Variants in JPH1 observed in about 807,000 individuals in gnomAD.
JPH1 encodes junctophilin-1.
JPH1 carries 12 observed loss-of-function variants against 53.6 expected under a neutral mutation model. The ratio of observed to expected loss-of-function variants is 0.22; its 90% CI spans 0.14 to 0.36. The LOEUF is 0.36. Among genes scored for constraint, JPH1 ranks in the 10% least tolerant of loss-of-function variants. The pLI is 1.00. For missense variants in JPH1, 808 were observed against 905.5 expected (o/e 0.89, Z 1.38); for synonymous variants, 375 against 363.8 (o/e 1.03, Z -0.35).
Position 74,315,363 on chromosome 8 carries a change from G to A in JPH1, c.637C>T (p.Arg213Trp), listed in dbSNP as rs1453751379. The change falls in exon 2 of 6, where the codon CGG becomes TGG. Residue 213 changes from arginine to tryptophan, a missense_variant. Around this residue, in one of 2 missense-constraint regions of JPH1, gnomAD observed 756 missense variants for 811.9 expected, o/e 0.93. Transcript: ENST00000342232. This position sits in a 1 kb window ranked among gnomAD's most constrained non-coding sequence, Gnocchi z 6.3. ...ATGCTTCCAAGAAGGGAGCCCCTCC[G>A]GAAGAGGCCGCCCTTCTTCTTGCCC... ...LAGKKKGGLF[R>W]RGSLLGSMKL... 2.5e-6 allele frequency: 4 copies of A among 1,612,744 alleles called. No homozygotes were observed. Among genetic ancestry groups the A allele is most frequent in the Middle Eastern group, 1.6e-4 (1 of 6,078 alleles).
intron 2 of JPH1, among the ~76,000 whole-genome samples, chr8:74,272,600 CTT>C (rs765158506): frequency 7.0e-4 from 79 of 112,640 alleles, no homozygotes; most frequent in Non-Finnish European, 9.5e-4. Context: ...ACCCTTAGTT[CTT>C]TTTTTTTTTT....
intron 2 of JPH1, among the ~76,000 whole-genome samples, chr8:74,295,184 C>T (rs1015172048): frequency 2.0e-5 from 3 of 152,148 alleles, no homozygotes; most frequent in Admixed American, 1.3e-4. Flanking sequence ...TTCCTTCAGG[C>T]CCTGCTCAAG....
chr8:74,239,882 T>C (rs1047205247), intron 4 of JPH1, among the ~76,000 whole-genome samples: 1 of 152,248 alleles, frequency 6.6e-6, no homozygotes, highest in African/African-American at 2.4e-5. Flanking sequence ...GATACCAGCA[T>C]AGAATGTGTA....
chr8:74,318,536 A>G (rs1436049432), intron 1 of JPH1, among the ~76,000 whole-genome samples: 3 of 152,190 alleles, frequency 2.0e-5, no homozygotes, highest in African/African-American at 7.2e-5. Context: ...CATGAGTATG[A>G]TACTAACTTA....
chr8:74,244,580 C>G lies in JPH1; in HGVS notation c.1854G>C (p.Lys618Asn). 1 of 1,613,764 alleles carries G rather than the reference C, an allele frequency of 6.2e-7. No individual in the cohort carries two copies. Among genetic ancestry groups the G allele is most frequent in the Non-Finnish European group, 8.5e-7 (1 of 1,179,862 alleles). ...KAKKSELAIPKNPASNDSCPA... is the reference protein window; with the variant it reads ...KAKKSELAIPNNPASNDSCPA... ...GGCATGAATCGTTGCTTGCTGGATT[C>G]TTTGGTATAGCAAGTTCAGACTTCT... Residue 618 changes from lysine (K) to asparagine (N), a missense_variant, in exon 4 of 6, where the codon AAG (lysine) becomes AAC (asparagine). By Grantham distance (94) the Lys-to-Asn change is moderately conservative. Around this residue, in one of 2 missense-constraint regions of JPH1, gnomAD observed 756 missense variants for 811.9 expected, o/e 0.93. Coordinates refer to ENST00000342232, the MANE Select transcript of JPH1 (RefSeq NM_020647.4).
intron 2 of JPH1, among the ~76,000 whole-genome samples, chr8:74,260,377 A>G (rs896127795): frequency 6.6e-6 from 1 of 152,288 alleles, no homozygotes; most frequent in African/African-American, 2.4e-5. Context: ...AATGATGTCT[A>G]CTGGCCCCAG....
At chr8:74,310,582 G>C (rs1586775089) in intron 2 of JPH1, among the ~76,000 whole-genome samples, 1 of 152,184 alleles carries the variant, frequency 6.6e-6, no homozygotes, top group African/African-American at 2.4e-5. Flanking sequence ...AATTATACAG[G>C]GGCCCATAAT....
chr8:74,321,130 G>A lies in JPH1; in HGVS notation c.158C>T (p.Thr53Ile), dbSNP rs372661315. 2.5e-6 allele frequency: 4 copies of A among 1,613,514 alleles called. No individual in the cohort carries two copies. The highest frequency in any genetic ancestry group is 3.4e-6 in the Non-Finnish European group (4 of 1,179,804). ...CTGGTAGGTGTTGCCGCTGGGCCAG[G>A]TGTAGCCTCCGACCACCTCGAAGCC... ...SHGFEVVGGY[T>I]WPSGNTYQGY... The change falls in exon 1 of 6, where the codon ACC (threonine) becomes ATC (isoleucine). Residue 53 changes from threonine to isoleucine, a missense_variant. Coordinates refer to ENST00000342232, the MANE Select transcript of JPH1 (RefSeq NM_020647.4). The surrounding 1 kb of genome is among the most constrained non-coding windows in gnomAD (Gnocchi z 4.3).
chr8:74,244,942 T>C lies in JPH1; in HGVS notation c.1492A>G (p.Lys498Glu). 2 of 1,614,134 alleles carry C rather than the reference T, an allele frequency of 1.2e-6. No homozygotes were observed. The highest frequency in any genetic ancestry group is 1.7e-6 in the Non-Finnish European group (2 of 1,180,026). Residue 498 changes from lysine to glutamate, a missense_variant, in exon 4 of 6, where the codon AAA (lysine) becomes GAA (glutamate). Around this residue, in one of 2 missense-constraint regions of JPH1, gnomAD observed 756 missense variants for 811.9 expected, o/e 0.93. Transcript: ENST00000342232. ...PSSGARLNQD[K>E]RSVADEQVTA... ...ACCTGCTCATCAGCCACACTCCTTT[T>C]GTCTTGGTTGAGTCTCGCCCCTGAG...
intron 3 of JPH1, among the ~76,000 whole-genome samples, 200 bp from the exon 4 acceptor site, chr8:74,245,375 G>C (rs1271926444): frequency 6.6e-6 from 1 of 152,126 alleles, no homozygotes; most frequent in Non-Finnish European, 1.5e-5. Flanking sequence ...AACAGTTCTG[G>C]CTTCCCTGAT....
intron 3 of JPH1, among the ~76,000 whole-genome samples, chr8:74,255,194 G>C (rs1178307996): frequency 1.3e-5 from 2 of 152,078 alleles, no homozygotes; most frequent in African/African-American, 4.8e-5. Context: ...TACCAAAACA[G>C]AGATATAGAC....
In JPH1 at chr8:74,244,511, G is replaced by A. The variant is rs77959234; in HGVS notation, c.1905+18C>T. On this transcript the variant is annotated intron_variant, in intron 4 of 5. Transcript: ENST00000342232. ...CAAAGGGAAGAAAGAAAGAGAAAAC[G>A]CTACTTGCAGTACTTACTGAATTGG... The A allele has an allele frequency of 4.0e-3, 6,265 of 1,566,186 alleles. 165 individuals carry two copies. The African/African-American group carries it at 0.063, about 16-fold the overall frequency.
rs1035740004 is a variant in JPH1, at chr8:74,320,308, C to T, written c.379+601G>A. ...ACCTGCATCAGGTGGCCTTTCTGCT[C>T]CCATAACTAGGACGTTTCCAAATGC... On this transcript the variant is annotated intron_variant, in intron 1 of 5. Coordinates refer to ENST00000342232, the MANE Select transcript of JPH1 (RefSeq NM_020647.4). This position sits in a 1 kb window ranked among gnomAD's most constrained non-coding sequence, Gnocchi z 4.4. Among the ~76,000 whole-genome samples the T allele has an allele frequency of 1.1e-4, 17 of 152,158 alleles. No homozygotes were observed. The highest frequency in any genetic ancestry group is 2.1e-4 in the Non-Finnish European group (14 of 68,036).
At chr8:74,249,677 T>G (rs986286922) in intron 3 of JPH1, among the ~76,000 whole-genome samples, 10 of 152,360 alleles carry the variant, frequency 6.6e-5, no homozygotes, top group Admixed American at 2.6e-4. Context: ...TTCATAATTT[T>G]GGGTTTGGAA....
At chr8:74,295,462 T>C (rs893543043) in intron 2 of JPH1, among the ~76,000 whole-genome samples, 2 of 152,184 alleles carry the variant, frequency 1.3e-5, no homozygotes, top group Admixed American at 6.5e-5. Context: ...TATTTAACAA[T>C]TGTTGGCTGT....
intron 2 of JPH1, among the ~76,000 whole-genome samples, chr8:74,310,517 G>T (rs1386604117): frequency 6.6e-6 from 1 of 152,076 alleles, no homozygotes; most frequent in South Asian, 2.1e-4. Context: ...CTATATCTAC[G>T]ATGTGATATC....
In JPH1 at chr8:74,240,093, T is replaced by C. The variant is rs557471776; in HGVS notation, c.1906-2790A>G. ...TTCAAGTGATTCTCCTGCCTCAGCC[T>C]CCCGAGTAGCTGGGACTACAGGTGT... On this transcript the variant is annotated intron_variant, in intron 4 of 5. Coordinates refer to ENST00000342232, the MANE Select transcript of JPH1 (RefSeq NM_020647.4). 1.2e-4 allele frequency among the ~76,000 whole-genome samples: 18 copies of C among 152,228 alleles called. No homozygotes were observed. The South Asian group carries it at 3.7e-3, about 32-fold the overall frequency.
intron 2 of JPH1, 136 bp from the exon 3 acceptor site, chr8:74,259,639 G>T: frequency 1.7e-6 from 1 of 599,022 alleles, no homozygotes; most frequent in Non-Finnish European, 2.9e-6. Context: ...AAATTTTAGA[G>T]TCCTATTGCC....
At chr8:74,289,295 C>G (rs1241991652) in intron 2 of JPH1, among the ~76,000 whole-genome samples, 2 of 152,174 alleles carry the variant, frequency 1.3e-5, no homozygotes, top group Non-Finnish European at 2.9e-5. Context: ...TGCCTGCGTC[C>G]AACCCACTGA....
Sources: allele counts gnomAD v4.1 joint callset (sites outside exome capture counted in the v4.1 genomes callset), GRCh38; gene constraint gnomAD v4.1.1; regional missense constraint gnomAD v4.1.1; non-coding constraint Gnocchi (gnomAD v3.1); transcripts MANE v1.5; gene names NCBI Gene and HGNC (gene_info 2026-07-23, HGNC 2026-07-21).